The following PPP1R12A variants were observed in gnomAD, a reference collection of about 807,000 sequenced individuals.
PPP1R12A encodes protein phosphatase 1 regulatory subunit 12A.
In PPP1R12A, 19 loss-of-function variants were observed where a neutral mutation model predicts 139.6. That is an observed-to-expected ratio of 0.14 (90% confidence interval 0.09 to 0.20). The LOEUF (loss-of-function observed/expected upper bound fraction) is 0.20, where lower values mean the gene tolerates loss of function less well. PPP1R12A is among the 10% of genes least tolerant of loss of function. The probability of loss-of-function intolerance (pLI) is 1.00; values close to 1 mark genes in which losing one functional copy is unlikely to be tolerated. For missense variants in PPP1R12A, 925 were observed against 1,211.5 expected (o/e 0.76, Z 3.51); for synonymous variants, 427 against 420.6 (o/e 1.02, Z -0.19).
intron 1 of PPP1R12A, among the ~76,000 whole-genome samples, chr12:79,931,864 T>C (rs1592854410): frequency 1.3e-5 from 2 of 152,174 alleles, no homozygotes; most frequent in African/African-American, 4.8e-5. Flanking sequence ...CGCTGCTTTT[T>C]CTTCTATACA....
Position 79,872,818 on chromosome 12 carries a change from C to T in PPP1R12A, c.358G>A (p.Asp120Asn), listed in dbSNP as rs1304230862. The T allele has an allele frequency of 6.2e-7, 1 of 1,613,472 alleles. No individual in the cohort carries two copies. Among genetic ancestry groups the T allele is most frequent in the Non-Finnish European group, 8.5e-7 (1 of 1,179,646 alleles). ...LHAAASCGYLDIAEFLIGQGA... is the reference protein window; with the variant it reads ...LHAAASCGYLNIAEFLIGQGA... The stretch of plus-strand genomic sequence containing the variant: ...ACAGAACTGGCTTACTCTGCAATAT[C>T]AAGATATCCACAGGAAGCTGCTGCA... Residue 120 changes from aspartate (D) to asparagine (N), a missense_variant, in exon 2 of 25, where the codon GAT becomes AAT. Coordinates refer to ENST00000450142, the MANE Select transcript of PPP1R12A (RefSeq NM_002480.3).
At chr12:79,807,113 T>C (rs1873933266) in intron 12 of PPP1R12A, 113 bp downstream of exon 12, 1 of 594,322 alleles carries the variant, frequency 1.7e-6, no homozygotes, top group Non-Finnish European at 2.8e-6. Flanking sequence ...AAAACTCGTA[T>C]TTAATAAAAA....
chr12:79,914,771 C>A (rs943228949), intron 1 of PPP1R12A, among the ~76,000 whole-genome samples: 1 of 151,832 alleles, frequency 6.6e-6, no homozygotes, highest in African/African-American at 2.4e-5. Flanking sequence ...ATAAATCTCT[C>A]TAGATAACTA....
At chr12:79,913,057 T>A (rs765482372) in intron 1 of PPP1R12A, among the ~76,000 whole-genome samples, 8 of 152,276 alleles carry the variant, frequency 5.3e-5, no homozygotes, top group Non-Finnish European at 8.8e-5. Context: ...TCCAGTGGTA[T>A]GTGCTGATAT....
chr12:79,882,059 A>G (rs1049501723), intron 1 of PPP1R12A, among the ~76,000 whole-genome samples: 2 of 152,214 alleles, frequency 1.3e-5, no homozygotes, highest in African/African-American at 4.8e-5. Flanking sequence ...GAACCTGGTC[A>G]CCCAAGGGGT....
At chr12:79,831,006 G>A (rs1565765047) in intron 4 of PPP1R12A, among the ~76,000 whole-genome samples, 1 of 152,082 alleles carries the variant, frequency 6.6e-6, no homozygotes, top group African/African-American at 2.4e-5. Context: ...TGGGAGCTTG[G>A]ATAACCTAAT....
intron 2 of PPP1R12A, among the ~76,000 whole-genome samples, chr12:79,866,726 C>T (rs1242013447): frequency 2.0e-5 from 3 of 152,182 alleles, no homozygotes; most frequent in Non-Finnish European, 2.9e-5. Flanking sequence ...AAATGCTCAT[C>T]ATCACTGGTC....
intron 2 of PPP1R12A, among the ~76,000 whole-genome samples, chr12:79,855,538 A>C (rs533238191): frequency 6.6e-6 from 1 of 152,310 alleles, no homozygotes; most frequent in African/African-American, 2.4e-5. Flanking sequence ...TAAGGTTTTG[A>C]GAAATCACCA....
At chr12:79,904,403 C>A (rs1267237590) in intron 1 of PPP1R12A, among the ~76,000 whole-genome samples, 1 of 152,088 alleles carries the variant, frequency 6.6e-6, no homozygotes, top group Non-Finnish European at 1.5e-5. Context: ...TCTGTATGTG[C>A]CCCACTACCT....
At chr12:79,857,729 T>G (rs1020082861) in intron 2 of PPP1R12A, among the ~76,000 whole-genome samples, 5 of 152,218 alleles carry the variant, frequency 3.3e-5, no homozygotes, top group African/African-American at 1.2e-4. Flanking sequence ...TAGAGTTAAT[T>G]GACTTCACAT....
intron 1 of PPP1R12A, among the ~76,000 whole-genome samples, chr12:79,909,061 G>C (rs886276540): frequency 1.3e-5 from 2 of 152,044 alleles, no homozygotes; most frequent in Admixed American, 1.3e-4. Context: ...ATGGAACCTG[G>C]TGATTCAAGT....
intron 2 of PPP1R12A, among the ~76,000 whole-genome samples, chr12:79,869,449 C>G (rs934174357): frequency 7.9e-5 from 12 of 152,216 alleles, no homozygotes; most frequent in Middle Eastern, 3.4e-3. Flanking sequence ...AGTAAAGAAG[C>G]ATATACACAA....
At chr12:79,786,705 T>G (rs1218102506) in intron 21 of PPP1R12A, 2 of 320,906 alleles carry the variant, frequency 6.2e-6, no homozygotes, top group African/African-American at 4.4e-5. Flanking sequence ...AAATCAAGAC[T>G]TCACAGAAAA....
At chr12:79,874,602 C>A (rs1336172261) in intron 1 of PPP1R12A, among the ~76,000 whole-genome samples, 1 of 151,744 alleles carries the variant, frequency 6.6e-6, no homozygotes, top group African/African-American at 2.4e-5. Context: ...ATACATATAA[C>A]CTGCAGAAAC....
intron 1 of PPP1R12A, among the ~76,000 whole-genome samples, chr12:79,890,901 C>CCCCCCA (rs1884549245): frequency 4.5e-4 from 14 of 30,956 alleles, no homozygotes; most frequent in Non-Finnish European, 6.0e-4. Context: ...CCACCCACAC[C>CCCCCCA]CACCCACACA....
intron 9 of PPP1R12A, among the ~76,000 whole-genome samples, chr12:79,815,467 G>A (rs1875236110): frequency 6.6e-6 from 1 of 151,284 alleles, no homozygotes. Flanking sequence ...GTTGCAATGA[G>A]CCAAGATCGT....
chr12:79,910,872 T>A (rs570188736), intron 1 of PPP1R12A, among the ~76,000 whole-genome samples: 50 of 152,298 alleles, frequency 3.3e-4, no homozygotes, highest in African/African-American at 1.2e-3. Context: ...AAGCCCTAAC[T>A]TCTTAATTTC....
intron 1 of PPP1R12A, among the ~76,000 whole-genome samples, chr12:79,921,577 A>ATCTC (rs1887442881): frequency 6.6e-6 from 1 of 152,152 alleles, no homozygotes; most frequent in South Asian, 2.1e-4. Flanking sequence ...TTCACCTTGT[A>ATCTC]TCTCTACTCT....
intron 3 of PPP1R12A, chr12:79,832,720 T>C (rs1877574394): frequency 5.8e-6 from 2 of 346,744 alleles, no homozygotes; most frequent in East Asian, 9.6e-5. Context: ...AATACTATTT[T>C]GATCTTATTT....
Sources: allele counts gnomAD v4.1 joint callset (sites outside exome capture counted in the v4.1 genomes callset), GRCh38; gene constraint gnomAD v4.1.1; transcripts MANE v1.5; gene names NCBI Gene and HGNC (gene_info 2026-07-23, HGNC 2026-07-21).